Variants in DTNBP1 observed in about 807,000 individuals in gnomAD.
DTNBP1 encodes dysbindin.
In DTNBP1, 35 loss-of-function variants were observed where a neutral mutation model predicts 42.8. The ratio of observed to expected loss-of-function variants is 0.82; its 90% CI spans 0.63 to 1.09. The LOEUF is 1.09. Ranked by LOEUF, DTNBP1 falls within the 50% of genes least tolerant of loss-of-function variation. DTNBP1 has a pLI of 0.00. For missense variants in DTNBP1, 457 were observed against 424.2 expected, an observed-to-expected ratio of 1.08 and a Z score of -0.68; for synonymous variants, 171 against 162.2, an observed-to-expected ratio of 1.05 and a Z score of -0.41.
chr6:15,614,082 T>C (rs545213538), intron 6 of DTNBP1, among the ~76,000 whole-genome samples: 2 of 152,270 alleles, frequency 1.3e-5, no homozygotes, highest in African/African-American at 2.4e-5. Context: ...CTCATTAACA[T>C]TTAGTGCCCA....
intron 3 of DTNBP1, among the ~76,000 whole-genome samples, chr6:15,650,648 C>T (rs189723506): frequency 1.6e-4 from 24 of 152,226 alleles, no homozygotes; most frequent in Admixed American, 9.8e-4. Context: ...ATGTGCTTAT[C>T]GGTCGTTTGC....
intron 8 of DTNBP1, among the ~76,000 whole-genome samples, chr6:15,530,147 C>T (rs1429159577): frequency 3.3e-5 from 5 of 152,238 alleles, no homozygotes; most frequent in African/African-American, 7.2e-5. Context: ...ACACCATGTT[C>T]GCTGTAGAGT....
chr6:15,652,054 C>T (rs762734585), intron 2 of DTNBP1, 33 bp downstream of exon 2: 2 of 1,598,858 alleles, frequency 1.3e-6, no homozygotes, highest in Non-Finnish European at 1.7e-6. Flanking sequence ...AAATTTAAGT[C>T]ACAGTTAAGT....
At chr6:15,599,964 C>CT (rs772402912) in intron 6 of DTNBP1, among the ~76,000 whole-genome samples, 1 of 152,136 alleles carries the variant, frequency 6.6e-6, no homozygotes, top group Non-Finnish European at 1.5e-5. Flanking sequence ...TATTAGCTGT[C>CT]TGCAGTCATG....
chr6:15,600,132 T>C (rs911797809), intron 6 of DTNBP1, among the ~76,000 whole-genome samples: 2 of 152,116 alleles, frequency 1.3e-5, no homozygotes, highest in Non-Finnish European at 1.5e-5. Context: ...CATCCTTACA[T>C]TGAGTCACCC....
At chr6:15,570,020 T>G (rs1473520775) in intron 7 of DTNBP1, among the ~76,000 whole-genome samples, 1 of 152,182 alleles carries the variant, frequency 6.6e-6, no homozygotes, top group Non-Finnish European at 1.5e-5. Context: ...CATGCGTATG[T>G]ATACCTGTGT....
chr6:15,524,272 A>G lies in DTNBP1; in HGVS notation c.811+254T>C, dbSNP rs764803061. The G allele has an allele frequency of 2.1e-5, 34 of 1,606,520 alleles. No individual in the cohort carries two copies. In the East Asian group the frequency reaches 4.0e-4, roughly 19 times the overall value. ...GGGTGGTAAAGGAGGGAAAACAAAC[A>G]AGAAAGCTCTCAACTCACCAAAGTT... is the stretch of plus-strand genomic sequence containing the variant. On this transcript the variant is annotated intron_variant, in intron 9 of 9. Transcript: ENST00000344537.
chr6:15,523,115 C>T lies in DTNBP1; in HGVS notation c.916G>A (p.Ala306Thr). 4 of 1,614,178 alleles carry T rather than the reference C, an allele frequency of 2.5e-6. No individual in the cohort carries two copies. The highest frequency in any genetic ancestry group is 3.4e-6 in the Non-Finnish European group (4 of 1,180,026). ...PSSSSTCTDS[A>T]TRDISEGGES... ...CCACCCTCACTGATGTCCCGGGTGG[C>T]CGAGTCGGTGCAGGTGGAGGAAGAA... Residue 306 changes from alanine to threonine, a missense_variant, in exon 10 of 10, where the codon GCC becomes ACC. By Grantham distance (58) the Ala-to-Thr change is moderately conservative. Coordinates refer to ENST00000344537, the MANE Select transcript of DTNBP1 (RefSeq NM_032122.5).
At chr6:15,638,070 GAATA>G (rs939801088) in intron 3 of DTNBP1, among the ~76,000 whole-genome samples, 77 of 151,382 alleles carry the variant, frequency 5.1e-4, no homozygotes, top group African/African-American at 1.9e-3. Context: ...GTAAATAATT[GAATA>G]AATAAATCAA....
chr6:15,608,547 T>C (rs1758205620), intron 6 of DTNBP1, among the ~76,000 whole-genome samples: 1 of 152,218 alleles, frequency 6.6e-6, no homozygotes, highest in Non-Finnish European at 1.5e-5. Flanking sequence ...GTGTCTCTTC[T>C]GAACAGAATG....
intron 4 of DTNBP1, among the ~76,000 whole-genome samples, chr6:15,632,956 T>C (rs887910558): frequency 6.6e-6 from 1 of 152,208 alleles, no homozygotes; most frequent in Admixed American, 6.5e-5. Flanking sequence ...TTTATATATA[T>C]AGGAAAACTT....
intron 6 of DTNBP1, among the ~76,000 whole-genome samples, chr6:15,600,043 A>ATT (rs1389551831): frequency 4.8e-5 from 7 of 147,358 alleles, no homozygotes; most frequent in Non-Finnish European, 1.1e-4. Context: ...TAGAAGGTGG[A>ATT]TTTTTTTTTT....
At chr6:15,533,582 A>C in intron 7 of DTNBP1, 187 bp from the exon 8 acceptor site, 1 of 969,380 alleles carries the variant, frequency 1.0e-6, no homozygotes, top group Non-Finnish European at 1.6e-6. Flanking sequence ...TCCTCCCCCT[A>C]CCTGGGCGGT....
intron 7 of DTNBP1, among the ~76,000 whole-genome samples, chr6:15,580,861 G>A (rs997941277): frequency 1.3e-5 from 2 of 152,192 alleles, no homozygotes; most frequent in South Asian, 2.1e-4. Context: ...CACAGTCACC[G>A]TTTCTAGAAG....
At chr6:15,588,515 T>TA (rs551326520) in intron 7 of DTNBP1, among the ~76,000 whole-genome samples, 279 of 152,240 alleles carry the variant, frequency 1.8e-3, no homozygotes, top group African/African-American at 6.5e-3. Flanking sequence ...AAGGATGACA[T>TA]AAAAAAACAA....
chr6:15,619,201 CAA>C (rs1369875877), intron 5 of DTNBP1, among the ~76,000 whole-genome samples: 2 of 152,054 alleles, frequency 1.3e-5, no homozygotes, highest in East Asian at 1.9e-4. Flanking sequence ...GTTCAAATAG[CAA>C]AAGAGTGGAT....
intron 6 of DTNBP1, among the ~76,000 whole-genome samples, chr6:15,601,751 C>A (rs919954162): frequency 2.0e-5 from 3 of 151,110 alleles, no homozygotes; most frequent in African/African-American, 7.3e-5. Flanking sequence ...GAGGCTGAGG[C>A]AGGAGAATCA....
At chr6:15,549,095 A>G (rs1216875603) in intron 7 of DTNBP1, among the ~76,000 whole-genome samples, 1 of 152,230 alleles carries the variant, frequency 6.6e-6, no homozygotes, top group Non-Finnish European at 1.5e-5. Context: ...ATGCAGTTGC[A>G]AATAATATCA....
intron 7 of DTNBP1, among the ~76,000 whole-genome samples, chr6:15,586,973 T>C (rs539198902): frequency 9.3e-4 from 142 of 152,286 alleles, no homozygotes; most frequent in African/African-American, 3.0e-3. Context: ...TTCTATGCAT[T>C]GTCAACTTTT....
Sources: gnomAD v4.1 joint callset for allele counts (sites outside exome capture counted in the v4.1 genomes callset) on GRCh38, gnomAD v4.1.1 for gene constraint, MANE v1.5 for transcripts, NCBI Gene and HGNC (gene_info 2026-07-23, HGNC 2026-07-21) for gene names.